The following CALN1 variants were observed in gnomAD, a reference collection of about 807,000 sequenced individuals.
The protein encoded by CALN1 is calneuron 1, also known as calcium-binding protein 8.
Under a neutral mutation model 30.6 loss-of-function variants are expected in CALN1, and 17 were observed. That is an observed-to-expected ratio of 0.56 (90% CI 0.38 to 0.83). The LOEUF (loss-of-function observed/expected upper bound fraction) is 0.83, where lower values mean the gene tolerates loss of function less well. Ranked by LOEUF, CALN1 falls within the 40% of genes least tolerant of loss-of-function variation. The pLI is 0.00. For synonymous variants in CALN1, 156 were observed against 131.4 expected (o/e 1.19, Z -1.28); for missense variants, 291 against 354.9 (o/e 0.82, Z 1.45).
At chr7:72,217,256 C>A (rs1432385302) in intron 3 of CALN1, among the ~76,000 whole-genome samples, 1 of 152,078 alleles carries the variant, frequency 6.6e-6, no homozygotes, top group Non-Finnish European at 1.5e-5. Flanking sequence ...AAGCACACCC[C>A]AGCCACTCCC....
chr7:72,175,411 T>C (rs1350901124), intron 3 of CALN1, among the ~76,000 whole-genome samples: 3 of 151,966 alleles, frequency 2.0e-5, no homozygotes, highest in Non-Finnish European at 4.4e-5. Flanking sequence ...ATACAGTAAG[T>C]GGGGTAAGAA....
intron 5 of CALN1, among the ~76,000 whole-genome samples, chr7:71,987,356 C>A (rs973173212): frequency 6.6e-6 from 1 of 152,178 alleles, no homozygotes; most frequent in Admixed American, 6.5e-5. Flanking sequence ...CAAGTCCATG[C>A]GGGGGCTGTG....
At chr7:72,163,020 C>T (rs1289284422) in intron 3 of CALN1, among the ~76,000 whole-genome samples, 1 of 152,192 alleles carries the variant, frequency 6.6e-6, no homozygotes, top group Non-Finnish European at 1.5e-5. Flanking sequence ...ACAGAATTGC[C>T]AGAATGCTGA....
intron 2 of CALN1, among the ~76,000 whole-genome samples, chr7:72,374,575 A>G (rs1735890141): frequency 6.6e-6 from 1 of 151,858 alleles, no homozygotes; most frequent in Admixed American, 6.6e-5. Flanking sequence ...AAAACAGAAA[A>G]CTAGAAATAC....
the CALN1 span, among the ~76,000 whole-genome samples, chr7:72,466,638 G>T: frequency 6.6e-6 from 1 of 152,046 alleles, no homozygotes; most frequent in South Asian, 2.1e-4. Flanking sequence ...AGCTACTCGG[G>T]AGGCTGAGGC....
chr7:71,788,833 AT>A (rs1371939718), intron 6 of CALN1, among the ~76,000 whole-genome samples: 1 of 151,386 alleles, frequency 6.6e-6, no homozygotes, highest in African/African-American at 2.4e-5. Context: ...AATTTTTTGT[AT>A]TTTTTAGTAG....
intron 2 of CALN1, among the ~76,000 whole-genome samples, chr7:72,359,690 T>C (rs1803444384): frequency 6.6e-6 from 1 of 151,932 alleles, no homozygotes; most frequent in Non-Finnish European, 1.5e-5. Context: ...TTGACCTGGA[T>C]TGGGGCCGGG....
chr7:71,964,927 C>T lies in CALN1; in HGVS notation c.501+58730G>A, dbSNP rs188501599. ...TGGTTTCACTGACTTGGGCTGAGCT[C>T]ACAATCAGCACCTTAAAAACACTGC... On this transcript the variant is annotated intron_variant, in intron 5 of 6. Transcript: ENST00000395275. 1.1e-3 allele frequency among the ~76,000 whole-genome samples: 161 copies of T among 152,280 alleles called. 1 individual carries two copies. Among genetic ancestry groups the T allele is most frequent in the African/African-American group, 3.6e-3 (151 of 41,552 alleles).
chr7:72,332,559 A>G (rs1319475653), intron 2 of CALN1, among the ~76,000 whole-genome samples: 1 of 151,856 alleles, frequency 6.6e-6, no homozygotes, highest in Admixed American at 6.6e-5. Flanking sequence ...TAATAATAGA[A>G]AAGGTTGGTG....
At chr7:72,358,733 GA>G in intron 2 of CALN1, among the ~76,000 whole-genome samples, 1 of 152,162 alleles carries the variant, frequency 6.6e-6, no homozygotes, top group Non-Finnish European at 1.5e-5. Flanking sequence ...AGCAGATCAC[GA>G]GGTTAGGAGT....
chr7:72,152,099 T>C (rs1440613584), intron 3 of CALN1, among the ~76,000 whole-genome samples: 1 of 151,802 alleles, frequency 6.6e-6, no homozygotes, highest in Non-Finnish European at 1.5e-5. Context: ...AGAGATGGGG[T>C]TTCACCATGT....
chr7:71,917,644 G>A (rs1794746583), intron 5 of CALN1, among the ~76,000 whole-genome samples: 1 of 152,136 alleles, frequency 6.6e-6, no homozygotes, highest in African/African-American at 2.4e-5. Context: ...CAGCAGGAGA[G>A]AATGAGTGCA....
intron 3 of CALN1, among the ~76,000 whole-genome samples, chr7:72,137,620 G>A (rs757985974): frequency 1.9e-4 from 29 of 152,232 alleles, no homozygotes; most frequent in Non-Finnish European, 1.9e-4. Flanking sequence ...TGGTATGCCA[G>A]TATGATCCTG....
intron 3 of CALN1, among the ~76,000 whole-genome samples, chr7:72,151,294 G>A (rs117374501): frequency 0.012 from 1,854 of 152,100 alleles, 19 homozygotes; most frequent in Admixed American, 0.016. Flanking sequence ...GCGTTCCTTG[G>A]CTTGTAGATC....
intron 2 of CALN1, among the ~76,000 whole-genome samples, chr7:72,300,081 C>T (rs1799150730): frequency 6.6e-6 from 1 of 151,584 alleles, no homozygotes; most frequent in Non-Finnish European, 1.5e-5. Context: ...AGGGTTTCAC[C>T]ATGTTGGCCA....
chr7:72,313,848 G>A (rs1800230893), intron 2 of CALN1, among the ~76,000 whole-genome samples: 1 of 152,120 alleles, frequency 6.6e-6, no homozygotes, highest in Admixed American at 6.5e-5. Context: ...TAAACTACAA[G>A]GAAACAGAGG....
rs552175523 is a variant in CALN1 at position 72,377,097 on chromosome 7, T to C, written c.119+26154A>G. On this transcript the variant is annotated intron_variant, in intron 2 of 6. Transcript: ENST00000395275. ...CACTGTTTTGACTACTGTAGCCTTG[T>C]AGTAAGTTTTGAAATCAGAAAGTGA... Among the ~76,000 whole-genome samples the C allele has an allele frequency of 7.9e-5, 12 of 152,318 alleles. No homozygotes were observed. In the South Asian group the frequency reaches 1.2e-3, roughly 16 times the overall value.
At chr7:72,324,577 T>C (rs1389016595) in intron 2 of CALN1, among the ~76,000 whole-genome samples, 1 of 150,764 alleles carries the variant, frequency 6.6e-6, no homozygotes, top group African/African-American at 2.4e-5. Flanking sequence ...TATTTATTTA[T>C]TTATTTATTT....
At chr7:72,348,700 G>A (rs991224106) in intron 2 of CALN1, among the ~76,000 whole-genome samples, 3 of 152,160 alleles carry the variant, frequency 2.0e-5, no homozygotes, top group Admixed American at 2.0e-4. Context: ...CATATGGATT[G>A]CCCCTTCCTG....
Sources: gnomAD v4.1 joint callset for allele counts (sites outside exome capture counted in the v4.1 genomes callset) on GRCh38, gnomAD v4.1.1 for gene constraint, MANE v1.5 for transcripts, NCBI Gene and HGNC (gene_info 2026-07-23, HGNC 2026-07-21) for gene names.